KLRG1: variants seen among roughly 807,000 people sequenced by gnomAD.
KLRG1 encodes the protein killer cell lectin-like receptor subfamily G member 1.
KLRG1 carries 16 observed loss-of-function variants against 21.8 expected under a neutral mutation model. The ratio of observed to expected loss-of-function variants is 0.73; its 90% CI spans 0.50 to 1.11. The LOEUF (loss-of-function observed/expected upper bound fraction) is 1.11. Ranked by LOEUF, KLRG1 falls within the 50% of genes most tolerant of loss-of-function variation. The pLI, the probability that KLRG1 is intolerant of heterozygous loss-of-function variation, is 0.00. For synonymous variants in KLRG1, 69 were observed against 75.9 expected (o/e 0.91, Z 0.47); for missense variants, 173 against 218.3 (o/e 0.79, Z 1.31).
the KLRG1 span, chr12:9,202,259 C>A: frequency 7.1e-7 from 1 of 1,404,684 alleles, no homozygotes; most frequent in Non-Finnish European, 1.0e-6. Context: ...CTTTCTACCT[C>A]ACTCTGGGTG....
intron 1 of KLRG1, chr12:8,971,067 T>A (rs1946559017): frequency 6.6e-6 from 1 of 152,166 alleles, no homozygotes; most frequent in South Asian, 2.1e-4. Flanking sequence ...TTTCTTGCAA[T>A]TTTTTGTCAG....
At chr12:9,011,010 G>A (rs1947624232), downstream of KLRG1, among the ~76,000 whole-genome samples, 1 of 152,170 alleles carries the variant, frequency 6.6e-6, no homozygotes, top group Non-Finnish European at 1.5e-5. Flanking sequence ...TATTTTGGTA[G>A]TGACTCTCAA....
chr12:9,105,554 C>G, the KLRG1 span, among the ~76,000 whole-genome samples: 1 of 152,114 alleles, frequency 6.6e-6, no homozygotes, highest in East Asian at 1.9e-4. Flanking sequence ...CATTGAGGCA[C>G]ATGTAACTGT....
At chr12:9,110,721 A>C in the KLRG1 span, among the ~76,000 whole-genome samples, 1 of 152,122 alleles carries the variant, frequency 6.6e-6, no homozygotes, top group Non-Finnish European at 1.5e-5. Context: ...AAAACAATAA[A>C]AAGTTTAAAA....
intron 1 of KLRG1, among the ~76,000 whole-genome samples, chr12:8,974,261 G>A (rs1035788397): frequency 7.3e-5 from 11 of 151,328 alleles, no homozygotes; most frequent in South Asian, 2.1e-4. Flanking sequence ...TCCGCCTCCC[G>A]GGTTCATGCC....
chr12:9,187,943 C>G, the KLRG1 span, among the ~76,000 whole-genome samples: 2 of 152,326 alleles, frequency 1.3e-5, no homozygotes, highest in Middle Eastern at 3.4e-3. Context: ...GCCTGAAAAC[C>G]CTGATGGGGG....
At chr12:9,146,895 G>A in the KLRG1 span, among the ~76,000 whole-genome samples, 1 of 132,860 alleles carries the variant, frequency 7.5e-6, no homozygotes, top group African/African-American at 2.9e-5. Flanking sequence ...CAGAGAAGTT[G>A]GAGTATTGGA....
the KLRG1 span, chr12:9,158,637 T>C: frequency 6.5e-7 from 1 of 1,545,608 alleles, no homozygotes; most frequent in South Asian, 1.2e-5. Flanking sequence ...CTGCTCTGTT[T>C]TGTACACACA....
At chr12:9,041,705 T>G in the KLRG1 span, among the ~76,000 whole-genome samples, 1 of 151,952 alleles carries the variant, frequency 6.6e-6, no homozygotes, top group Non-Finnish European at 1.5e-5. Flanking sequence ...ATTTGGAGAG[T>G]GAGAGGTCAA....
chr12:9,187,222 T>G, the KLRG1 span, among the ~76,000 whole-genome samples: 3 of 151,934 alleles, frequency 2.0e-5, no homozygotes, highest in Non-Finnish European at 2.9e-5. Flanking sequence ...TCAAAGAGAC[T>G]CAGACTCCCA....
At chr12:9,020,080 C>T in the KLRG1 span, among the ~76,000 whole-genome samples, 1 of 150,672 alleles carries the variant, frequency 6.6e-6, no homozygotes, top group South Asian at 2.1e-4. Context: ...CACACACATA[C>T]ATACATATAT....
the KLRG1 span, chr12:9,112,603 G>A: frequency 1.9e-6 from 3 of 1,563,654 alleles, no homozygotes; most frequent in South Asian, 3.4e-5. Context: ...ATTTGCTGTT[G>A]CACTCTTCCC....
intron 1 of KLRG1, among the ~76,000 whole-genome samples, chr12:8,974,783 A>G (rs1346834442): frequency 6.6e-6 from 1 of 152,002 alleles, no homozygotes; most frequent in African/African-American, 2.4e-5. Flanking sequence ...TATTTTATTG[A>G]GGATTTTACA....
At chr12:9,058,774 TG>T in the KLRG1 span, 23,327 of 152,720 alleles carry the variant, frequency 0.15, 1,893 homozygotes, top group African/African-American at 0.19. Flanking sequence ...ACTGTTCACC[TG>T]GGTCTGTCTA....
At chr12:9,069,444 A>G in the KLRG1 span, among the ~76,000 whole-genome samples, 1 of 152,188 alleles carries the variant, frequency 6.6e-6, no homozygotes, top group Non-Finnish European at 1.5e-5. Flanking sequence ...CACAAGGGCT[A>G]CTTCCTTATA....
At chr12:8,974,898 T>G (rs990726175) in intron 1 of KLRG1, among the ~76,000 whole-genome samples, 15 of 128,088 alleles carry the variant, frequency 1.2e-4, no homozygotes, top group Admixed American at 7.2e-4. Flanking sequence ...CTTCTTCTTC[T>G]TCTTCTTCTT....
At chr12:9,163,994 T>C in the KLRG1 span, 10 of 1,262,932 alleles carry the variant, frequency 7.9e-6, no homozygotes, top group African/African-American at 9.1e-5. Flanking sequence ...GAGGAGGTCA[T>C]AGTGGATAGA....
intron 1 of KLRG1, among the ~76,000 whole-genome samples, chr12:8,957,404 A>G (rs1165445274): frequency 1.3e-5 from 2 of 152,240 alleles, no homozygotes; most frequent in Non-Finnish European, 2.9e-5. Context: ...TTTGAGTTGC[A>G]ACAGCAAAAC....
the KLRG1 span, chr12:9,149,559 AC>A: frequency 4.3e-6 from 7 of 1,612,488 alleles, no homozygotes; most frequent in Non-Finnish European, 5.9e-6. Context: ...GTGAACTCTT[AC>A]CTGTGCTGCA....
Sources: gnomAD v4.1 joint callset for allele counts (sites outside exome capture counted in the v4.1 genomes callset) on GRCh38, gnomAD v4.1.1 for gene constraint, MANE v1.5 for transcripts, NCBI Gene and HGNC (gene_info 2026-07-23, HGNC 2026-07-21) for gene names.